DCC: variants seen among roughly 807,000 people sequenced by gnomAD.
DCC encodes the protein netrin receptor DCC.
Under a neutral mutation model 172.5 loss-of-function variants are expected in DCC, and 58 were observed. That is an observed-to-expected ratio of 0.34 (90% confidence interval 0.27 to 0.42). The LOEUF (loss-of-function observed/expected upper bound fraction) is 0.42. DCC is among the 10% of genes least tolerant of loss of function. The probability of loss-of-function intolerance (pLI) is 1.00; values close to 1 mark genes in which losing one functional copy is unlikely to be tolerated. For synonymous variants in DCC, 709 were observed against 644.5 expected (o/e 1.10, Z -1.52); for missense variants, 1,740 against 1,791.0 (o/e 0.97, Z 0.51).
At chr18:52,987,662 G>C (rs1467709983) in intron 5 of DCC, among the ~76,000 whole-genome samples, 3 of 152,150 alleles carry the variant, frequency 2.0e-5, no homozygotes, top group African/African-American at 4.8e-5. Context: ...TTGCAACAGA[G>C]CCCACCACTG....
intron 1 of DCC, among the ~76,000 whole-genome samples, chr18:52,438,827 G>T: frequency 6.6e-6 from 1 of 152,110 alleles, no homozygotes; most frequent in Non-Finnish European, 1.5e-5. Context: ...GTTGTGTTAT[G>T]CAATAAGAGG....
chr18:53,205,272 A>G lies in DCC; in HGVS notation c.1630A>G (p.Ile544Val), dbSNP rs1217774695. Residue 544 changes from isoleucine (I) to valine (V), a missense_variant, in exon 10 of 29, where the codon ATT becomes GTT. Ile to Val is a conservative substitution (Grantham distance 29). Transcript: ENST00000442544. ...LQAVSTSPTS[I>V]LITWEPPAYA... Reference sequence around the variant, plus strand: ...AGCTGTATCTACCTCACCTACCTCAATTCTTATTACCTGGGAACCCCCTGC... The same window carrying G: ...AGCTGTATCTACCTCACCTACCTCAGTTCTTATTACCTGGGAACCCCCTGC... The G allele has an allele frequency of 5.0e-6, 8 of 1,613,572 alleles. No individual in the cohort carries two copies. Among genetic ancestry groups the G allele is most frequent in the South Asian group, 1.1e-5 (1 of 91,074 alleles).
intron 27 of DCC, among the ~76,000 whole-genome samples, chr18:53,515,808 A>T (rs1346147306): frequency 6.6e-6 from 1 of 152,120 alleles, no homozygotes; most frequent in Middle Eastern, 3.4e-3. Context: ...GAGGATACAA[A>T]CAAATGGAAG....
chr18:53,401,141 T>C (rs1210110867), intron 18 of DCC, among the ~76,000 whole-genome samples: 2 of 152,198 alleles, frequency 1.3e-5, no homozygotes, highest in African/African-American at 4.8e-5. Flanking sequence ...TGAATCTGCA[T>C]TTCTTGCAAG....
chr18:52,864,153 G>T (rs2039185455), intron 2 of DCC, among the ~76,000 whole-genome samples: 1 of 152,028 alleles, frequency 6.6e-6, no homozygotes, highest in South Asian at 2.1e-4. Context: ...AGTTTAAAAG[G>T]GCAGTTGGAT....
chr18:53,204,780 C>T (rs763769549), intron 9 of DCC, among the ~76,000 whole-genome samples: 7 of 152,076 alleles, frequency 4.6e-5, no homozygotes, highest in East Asian at 1.9e-4. Context: ...CATAGCTGTG[C>T]GACCTATTTT....
rs564522756 is a variant in DCC at position 52,447,447 on chromosome 18, A to G, written c.91+106569A>G. Among the ~76,000 whole-genome samples the G allele has an allele frequency of 3.3e-5, 5 of 152,302 alleles. No individual in the cohort carries two copies. In the South Asian group the frequency reaches 1.0e-3, roughly 32 times the overall value. ...GATGACAGTTACTATACAGGTTGAG[A>G]AACATGGGACAGAAGTGTGACTGAC... On this transcript the variant is annotated intron_variant, in intron 1 of 28. Coordinates refer to ENST00000442544, the MANE Select transcript of DCC (RefSeq NM_005215.4).
At chr18:53,106,232 T>C (rs1266913215) in intron 7 of DCC, among the ~76,000 whole-genome samples, 1 of 151,952 alleles carries the variant, frequency 6.6e-6, no homozygotes, top group Non-Finnish European at 1.5e-5. Context: ...CCTAGATTCT[T>C]AGCTAAGGAC....
At chr18:53,307,261 A>G (rs1035486998) in intron 13 of DCC, among the ~76,000 whole-genome samples, 5 of 152,230 alleles carry the variant, frequency 3.3e-5, no homozygotes, top group African/African-American at 1.2e-4. Context: ...CATTTACCAT[A>G]TCATTTTAAA....
In DCC at chr18:52,500,209, C is replaced by T. The variant is rs891256482; in HGVS notation, c.91+159331C>T. On this transcript the variant is annotated intron_variant, in intron 1 of 28. Transcript: ENST00000442544. Reference sequence around the variant, plus strand: ...ACATTTGCCACAAACTGGTTGCACCCTATATTTCCTGGTTGAAGTGAGCTC... The same window carrying T: ...ACATTTGCCACAAACTGGTTGCACCTTATATTTCCTGGTTGAAGTGAGCTC... Among the ~76,000 whole-genome samples, 4 of 151,992 alleles carry T rather than the reference C, an allele frequency of 2.6e-5. No homozygotes were observed. The East Asian group carries it at 7.7e-4, about 29-fold the overall frequency.
Position 53,233,137 on chromosome 18 carries a change from G to C in DCC, c.1911+17540G>C, listed in dbSNP as rs546980285. Among the ~76,000 whole-genome samples the C allele has an allele frequency of 8.6e-5, 13 of 152,040 alleles. No individual in the cohort carries two copies. In the East Asian group the frequency reaches 2.3e-3, roughly 27 times the overall value. On this transcript the variant is annotated intron_variant, in intron 12 of 28. Transcript: ENST00000442544. ...TAAGGTCAAGCTAATCAGTGCTATG[G>C]GAGAAAATCCTATAATGGCTGAAAA...
At chr18:52,357,404 A>G (rs1052280110) in intron 1 of DCC, among the ~76,000 whole-genome samples, 9 of 152,172 alleles carry the variant, frequency 5.9e-5, no homozygotes, top group African/African-American at 2.2e-4. Context: ...AGCACTCTCA[A>G]TGGTCAAAAC....
intron 2 of DCC, among the ~76,000 whole-genome samples, chr18:52,769,455 G>A (rs991746756): frequency 6.6e-6 from 1 of 152,078 alleles, no homozygotes; most frequent in Non-Finnish European, 1.5e-5. Flanking sequence ...AACAATTTTT[G>A]TATATTTGGT....
Position 52,361,232 on chromosome 18 carries a change from A to G in DCC, c.91+20354A>G, listed in dbSNP as rs1177486804. On this transcript the variant is annotated intron_variant, in intron 1 of 28. Transcript: ENST00000442544. ...ATAAATGTGTGAGTTTGAGAAGGAAATTGTTCCATAATCCCATCACTTCAG... is the reference window on the plus strand; with the variant it reads ...ATAAATGTGTGAGTTTGAGAAGGAAGTTGTTCCATAATCCCATCACTTCAG... 2.6e-5 allele frequency among the ~76,000 whole-genome samples: 4 copies of G among 152,226 alleles called. No homozygotes were observed. The East Asian group carries it at 7.7e-4, about 29-fold the overall frequency.
chr18:52,906,451 T>C (rs1380356892), intron 3 of DCC, 123 bp downstream of exon 3: 5 of 1,052,518 alleles, frequency 4.8e-6, no homozygotes, highest in Non-Finnish European at 7.0e-6. Context: ...GCGTTTTGTT[T>C]ATTATTTCTT....
At chr18:53,340,303 T>C (rs894461669) in intron 15 of DCC, among the ~76,000 whole-genome samples, 11 of 152,202 alleles carry the variant, frequency 7.2e-5, no homozygotes, top group African/African-American at 2.2e-4. Context: ...TCTTTGTTGT[T>C]GTCACTGGGA....
At chr18:53,337,996 C>G (rs2057611168) in intron 14 of DCC, among the ~76,000 whole-genome samples, 1 of 152,178 alleles carries the variant, frequency 6.6e-6, no homozygotes, top group Non-Finnish European at 1.5e-5. Context: ...ATTCAAATCA[C>G]TGATATTTTT....
chr18:53,011,271 T>C (rs527843623), intron 5 of DCC, among the ~76,000 whole-genome samples: 1 of 151,804 alleles, frequency 6.6e-6, no homozygotes, highest in East Asian at 1.9e-4. Flanking sequence ...TTTTAAAATA[T>C]TCTATTTGGA....
In DCC at chr18:52,934,211, A is replaced by G. The variant is rs532626619; in HGVS notation, c.985+8841A>G. Among the ~76,000 whole-genome samples the G allele has an allele frequency of 8.5e-5, 13 of 152,224 alleles. No individual in the cohort carries two copies. The East Asian group carries it at 2.5e-3, about 29-fold the overall frequency. On this transcript the variant is annotated intron_variant, in intron 5 of 28. Coordinates refer to ENST00000442544, the MANE Select transcript of DCC (RefSeq NM_005215.4). ...GATATAACAATATCTAGTGATCAAT[A>G]TAACAGTATCTAGTGATCAATATAA...
Sources: allele counts gnomAD v4.1 joint callset (sites outside exome capture counted in the v4.1 genomes callset), GRCh38; gene constraint gnomAD v4.1.1; transcripts MANE v1.5; gene names NCBI Gene and HGNC (gene_info 2026-07-23, HGNC 2026-07-21).